ZNF578: variants seen among roughly 807,000 people sequenced by gnomAD.
ZNF578 encodes the protein Putative chemokine-related protein B42.
A neutral mutation model predicts 8.3 loss-of-function variants in ZNF578; 8 were observed. That is an observed-to-expected ratio of 0.96 (90% confidence interval 0.56 to 1.74). The LOEUF is 1.74. Among genes scored for constraint, ZNF578 ranks in the 40% most tolerant of loss-of-function variants. The probability of loss-of-function intolerance (pLI) is 0.00; values close to 1 mark genes in which losing one functional copy is unlikely to be tolerated. For synonymous variants in ZNF578, 206 were observed against 232.2 expected (o/e 0.89, Z 1.03); for missense variants, 726 against 707.5 (o/e 1.03, Z -0.30).
chr19:52,458,832 A>C (rs1224003067), intron 2 of ZNF578: 1 of 152,108 alleles, frequency 6.6e-6, no homozygotes, highest in Non-Finnish European at 1.5e-5. Flanking sequence ...GTTGTTTAAA[A>C]TTTTGTTTAC....
At position 52,511,636 on chromosome 19, in the gene ZNF578, A is replaced by G. The variant is rs771515416; in HGVS notation, c.1255A>G (p.Arg419Gly). 19 of 1,613,990 alleles carry G rather than the reference A, an allele frequency of 1.2e-5. No homozygotes were observed. The South Asian group carries it at 2.1e-4, about 18-fold the overall frequency. Residue 419 changes from arginine to glycine, a missense_variant, in exon 6 of 6, where the codon AGA (arginine) becomes GGA (glycine). Transcript: ENST00000421239. ...ACAATCACACCTTTCACGTCATCAT[A>G]GACTTCATACTGGAGAGAAACCTTA... ...NQQSHLSRHH[R>G]LHTGEKPYKC...
chr19:52,499,537 A>C (rs571728045), intron 3 of ZNF578, among the ~76,000 whole-genome samples: 3 of 152,336 alleles, frequency 2.0e-5, no homozygotes, highest in East Asian at 1.9e-4. Flanking sequence ...ATGAGAGTGA[A>C]TGTGTACTTC....
At chr19:52,473,940 A>G (rs2122811430) in intron 2 of ZNF578, 1 of 352,962 alleles carries the variant, frequency 2.8e-6, no homozygotes, top group South Asian at 3.0e-5. Flanking sequence ...TGTTCTGTAA[A>G]GTGTGAATTG....
At chr19:52,486,291 A>G (rs1190439108) in intron 2 of ZNF578, among the ~76,000 whole-genome samples, 1 of 152,130 alleles carries the variant, frequency 6.6e-6, no homozygotes, top group Non-Finnish European at 1.5e-5. Flanking sequence ...GTTCTGCCAC[A>G]TCCCCCTCTC....
intron 3 of ZNF578, among the ~76,000 whole-genome samples, chr19:52,496,141 C>T (rs917307944): frequency 2.6e-5 from 4 of 151,136 alleles, no homozygotes; most frequent in Non-Finnish European, 5.9e-5. Context: ...GCCTCAGCCT[C>T]CCGAGCAGCT....
chr19:52,459,139 T>A (rs2059248343), intron 2 of ZNF578, among the ~76,000 whole-genome samples: 1 of 152,238 alleles, frequency 6.6e-6, no homozygotes. Flanking sequence ...TAGTAAAGTT[T>A]ATTTGCCTGT....
Position 52,482,853 on chromosome 19 carries a change from C to A in ZNF578, c.-121-8471C>A, listed in dbSNP as rs7260035. On this transcript the variant is annotated intron_variant, in intron 2 of 5. Coordinates refer to ENST00000421239, the MANE Select transcript of ZNF578 (RefSeq NM_001099694.2). The stretch of plus-strand genomic sequence containing the variant: ...TTCGGAGGCTGAGGCAGGAGAATTA[C>A]TTGGACCTGGCTGGGAGGCAGAGGT... Among the ~76,000 whole-genome samples the A allele has an allele frequency of 7.8e-3, 1,168 of 148,944 alleles. 21 individuals carry two copies. The highest frequency in any genetic ancestry group is 0.028 in the African/African-American group (1,126 of 40,256).
At chr19:52,464,175 A>G (rs1369117321) in intron 2 of ZNF578, among the ~76,000 whole-genome samples, 2 of 152,188 alleles carry the variant, frequency 1.3e-5, no homozygotes, top group Admixed American at 6.5e-5. Context: ...ATTCAACTAA[A>G]TCATCATTTT....
chr19:52,460,196 G>C (rs955152017), intron 2 of ZNF578, among the ~76,000 whole-genome samples: 1 of 151,992 alleles, frequency 6.6e-6, no homozygotes, highest in South Asian at 2.1e-4. Flanking sequence ...GGATTATATG[G>C]TAGTACTGTT....
At chr19:52,487,116 T>G (rs990684776) in intron 2 of ZNF578, among the ~76,000 whole-genome samples, 3 of 151,878 alleles carry the variant, frequency 2.0e-5, no homozygotes, top group Non-Finnish European at 4.4e-5. Flanking sequence ...GTGGATTGCT[T>G]GAGTCCAGGA....
At chr19:52,467,242 C>G (rs192660223) in intron 2 of ZNF578, among the ~76,000 whole-genome samples, 1 of 152,124 alleles carries the variant, frequency 6.6e-6, no homozygotes, top group Admixed American at 6.5e-5. Context: ...AACTCTTGAC[C>G]TCAAGTGATC....
chr19:52,516,022 C>T lies in ZNF578; in HGVS notation c.*3868C>T, dbSNP rs1037648976. On this transcript the variant is annotated 3_prime_UTR_variant, in exon 6 of 6. Coordinates refer to ENST00000421239, the MANE Select transcript of ZNF578 (RefSeq NM_001099694.2). ...TGCAGGGCCCCTGCCAGTGTCCAGC[C>T]TCCTCCTGGCAGCTTGCCCTCATCT... Among the ~76,000 whole-genome samples, 1 of 152,140 alleles carries T rather than the reference C, an allele frequency of 6.6e-6. No individual in the cohort carries two copies. The highest frequency in any genetic ancestry group is 2.4e-5 in the African/African-American group (1 of 41,414).
chr19:52,498,083 T>C (rs2122918738), intron 3 of ZNF578, among the ~76,000 whole-genome samples: 1 of 152,340 alleles, frequency 6.6e-6, no homozygotes, highest in East Asian at 1.9e-4. Context: ...ATGTTTGGGA[T>C]TGATGCCATC....
At chr19:52,496,729 T>G (rs1262564427) in intron 3 of ZNF578, among the ~76,000 whole-genome samples, 1 of 151,072 alleles carries the variant, frequency 6.6e-6, no homozygotes, top group Admixed American at 6.6e-5. Context: ...CCTTCGCCTC[T>G]GGGGTTCATG....
intron 3 of ZNF578, 103 bp downstream of exon 3, chr19:52,491,528 T>G (rs2059364842): frequency 1.3e-5 from 2 of 152,388 alleles, no homozygotes; most frequent in Non-Finnish European, 2.9e-5. Flanking sequence ...TCCCTTTTCT[T>G]AGGACATTTA....
At chr19:52,501,108 AC>A (rs1226551559) in intron 3 of ZNF578, among the ~76,000 whole-genome samples, 1 of 150,974 alleles carries the variant, frequency 6.6e-6, no homozygotes, top group Non-Finnish European at 1.5e-5. Flanking sequence ...TGAAGTCCTG[AC>A]CCTGTGATCC....
At chr19:52,465,043 T>A (rs571848159) in intron 2 of ZNF578, among the ~76,000 whole-genome samples, 58 of 152,296 alleles carry the variant, frequency 3.8e-4, no homozygotes, top group African/African-American at 1.4e-3. Flanking sequence ...TTGTCTTAAT[T>A]ACAAATATTG....
chr19:52,489,334 A>AAC, intron 2 of ZNF578, among the ~76,000 whole-genome samples: 1 of 152,290 alleles, frequency 6.6e-6, no homozygotes, highest in South Asian at 2.1e-4. Flanking sequence ...TCACACTTGT[A>AAC]ACGCCAGCAC....
chr19:52,489,716 T>C (rs1447968930), intron 2 of ZNF578, among the ~76,000 whole-genome samples: 11 of 151,678 alleles, frequency 7.3e-5, no homozygotes, highest in Non-Finnish European at 1.6e-4. Flanking sequence ...AGTGTAGTGG[T>C]GCGATCTTGG....
Sources: allele counts gnomAD v4.1 joint callset (sites outside exome capture counted in the v4.1 genomes callset), GRCh38; gene constraint gnomAD v4.1.1; transcripts MANE v1.5; gene names NCBI Gene and HGNC (gene_info 2026-07-23, HGNC 2026-07-21).